Variants in PRH1 observed in about 807,000 individuals in gnomAD.
PRH1 encodes the protein proline rich protein HaeIII subfamily 1.
A neutral mutation model predicts 7.9 loss-of-function variants in PRH1; 7 were observed. The observed-to-expected ratio is 0.89, with a 90% CI of 0.50 to 1.67. The LOEUF (loss-of-function observed/expected upper bound fraction) is 1.67, where lower values mean the gene tolerates loss of function less well. Among genes scored for constraint, PRH1 ranks in the 40% most tolerant of loss-of-function variants. The pLI, the probability that PRH1 is intolerant of heterozygous loss-of-function variation, is 0.00. For missense variants in PRH1, 109 were observed against 223.6 expected (o/e 0.49, Z 3.27); for synonymous variants, 45 against 80.8 (o/e 0.56, Z 2.38).
At chr12:10,983,524 G>A (rs1939458825) in intron 1 of PRH1, among the ~76,000 whole-genome samples, 2 of 152,318 alleles carry the variant, frequency 1.3e-5, no homozygotes, top group South Asian at 4.1e-4. Flanking sequence ...GGGGCATGAG[G>A]TTTGGCTTTC....
chr12:11,127,477 A>G lies in PRH1; in HGVS notation n.40-6297T>C, dbSNP rs73266595. Among the ~76,000 whole-genome samples the G allele has an allele frequency of 9.4e-3, 1,426 of 152,386 alleles. 17 individuals carry two copies. The highest frequency in any genetic ancestry group is 0.032 in the African/African-American group (1,342 of 41,576). On this transcript the variant is annotated intron_variant and non_coding_transcript_variant, in intron 1 of 1. Transcript: ENST00000541175. ...TTTTTTCAATGCCAGATTTATGGAGAGTGAATCCCAACTTTTCTACCAAAA... is the reference window on the plus strand; with the variant it reads ...TTTTTTCAATGCCAGATTTATGGAGGGTGAATCCCAACTTTTCTACCAAAA...
At chr12:11,158,056 C>T (rs1047476188) in intron 1 of PRH1, among the ~76,000 whole-genome samples, 5 of 152,290 alleles carry the variant, frequency 3.3e-5, no homozygotes, top group Admixed American at 6.5e-5. Flanking sequence ...CAACATACTT[C>T]CCATGATTTA....
At chr12:11,088,114 G>A (rs1240586997) in intron 1 of PRH1, among the ~76,000 whole-genome samples, 24,708 of 63,482 alleles carry the variant, frequency 0.39, 5,095 homozygotes, top group Non-Finnish European at 0.52. Flanking sequence ...GCCGACACGG[G>A]AAGATCATTT....
At chr12:11,046,384 G>C (rs1942899070) in intron 1 of PRH1, among the ~76,000 whole-genome samples, 1 of 152,108 alleles carries the variant, frequency 6.6e-6, no homozygotes, top group Non-Finnish European at 1.5e-5. Flanking sequence ...CAAAGCTTTG[G>C]ATAGTTTATA....
chr12:11,099,480 C>T (rs1053527893), intron 1 of PRH1, among the ~76,000 whole-genome samples: 6 of 152,022 alleles, frequency 3.9e-5, no homozygotes, highest in Non-Finnish European at 4.4e-5. Context: ...GGGCAGATCA[C>T]GAGGTCAAGA....
intron 2 of PRH1, among the ~76,000 whole-genome samples, chr12:10,971,822 C>T (rs899815682): frequency 2.6e-5 from 4 of 151,934 alleles, no homozygotes; most frequent in African/African-American, 4.8e-5. Flanking sequence ...AATTTTAAAA[C>T]GTAACTTTAG....
intron 1 of PRH1, among the ~76,000 whole-genome samples, chr12:11,066,072 C>T (rs1395530037): frequency 6.6e-6 from 1 of 152,176 alleles, no homozygotes; most frequent in Non-Finnish European, 1.5e-5. Flanking sequence ...TTATAACAAT[C>T]TTTAAAAGAT....
At chr12:10,945,577 C>A (rs573189672) in intron 2 of PRH1, among the ~76,000 whole-genome samples, 1 of 152,074 alleles carries the variant, frequency 6.6e-6, no homozygotes, top group East Asian at 1.9e-4. Context: ...GGAGGCAGGG[C>A]GAGATCACAG....
At chr12:10,986,236 T>C (rs143277774) in intron 1 of PRH1, 147 of 1,614,036 alleles carry the variant, frequency 9.1e-5, no homozygotes, top group Non-Finnish European at 1.2e-4. Context: ...TGGAGCTGCA[T>C]CTTCTTGAGA....
intron 1 of PRH1, among the ~76,000 whole-genome samples, chr12:11,039,917 C>A (rs1181694437): frequency 9.3e-6 from 1 of 107,170 alleles, no homozygotes; most frequent in African/African-American, 2.7e-5. Context: ...ACAGGGACAT[C>A]ATCCAGGTAG....
At chr12:10,964,651 G>A (rs1938415100) in intron 2 of PRH1, 3 of 557,042 alleles carry the variant, frequency 5.4e-6, no homozygotes, top group African/African-American at 1.9e-5. Context: ...ATAACAAGAG[G>A]AAGGAGGTCA....
upstream of PRH1, among the ~76,000 whole-genome samples, chr12:10,887,296 GTGTTA>G (rs575447929): frequency 1.3e-3 from 204 of 152,232 alleles, no homozygotes; most frequent in Non-Finnish European, 2.2e-3. Flanking sequence ...TGGTCTGGCA[GTGTTA>G]TGAATTGGCA....
chr12:11,117,551 A>G (rs939815751), downstream of PRH1, among the ~76,000 whole-genome samples: 1 of 152,184 alleles, frequency 6.6e-6, no homozygotes, highest in Admixed American at 6.5e-5. Flanking sequence ...CTTCACAGAA[A>G]TAGAGAAAAC....
At chr12:10,988,327 A>T (rs1939753763) in intron 1 of PRH1, among the ~76,000 whole-genome samples, 1 of 152,144 alleles carries the variant, frequency 6.6e-6, no homozygotes, top group African/African-American at 2.4e-5. Flanking sequence ...TCAGGAATTC[A>T]GGAGCCAAAA....
intron 1 of PRH1, among the ~76,000 whole-genome samples, chr12:11,148,551 GT>G (rs1674102096): frequency 6.8e-6 from 1 of 146,910 alleles, no homozygotes; most frequent in Non-Finnish European, 1.5e-5. Context: ...TAATCATGTG[GT>G]TTTTGTCTTT....
rs1267834809 is a variant in PRH1 at position 11,086,502 on chromosome 12, A to G, written n.124-39314T>C. Among the ~76,000 whole-genome samples, 371 of 150,878 alleles carry G rather than the reference A, an allele frequency of 2.5e-3. 3 individuals carry two copies. The highest frequency in any genetic ancestry group is 4.6e-3 in the Non-Finnish European group (314 of 67,564). On this transcript the variant is annotated intron_variant and non_coding_transcript_variant, in intron 1 of 4. Transcript: ENST00000541977. ...CAGTTTTTATAGTATAATGGTTTCTAAGAGGGGATCTTGAAGTCAGACTGC... is the reference window on the plus strand; with the variant it reads ...CAGTTTTTATAGTATAATGGTTTCTGAGAGGGGATCTTGAAGTCAGACTGC...
upstream of PRH1, among the ~76,000 whole-genome samples, chr12:11,051,302 A>G (rs542934267): frequency 9.8e-5 from 15 of 152,332 alleles, no homozygotes; most frequent in Middle Eastern, 3.4e-3. Flanking sequence ...AGTAGTCACA[A>G]CTAAAATCAA....
intron 1 of PRH1, among the ~76,000 whole-genome samples, chr12:10,988,918 T>C (rs1446926921): frequency 6.6e-6 from 1 of 152,070 alleles, no homozygotes; most frequent in Non-Finnish European, 1.5e-5. Context: ...GCAATTCTCC[T>C]CCCTCAGCCT....
At chr12:10,942,960 A>T (rs1045029754) in intron 2 of PRH1, among the ~76,000 whole-genome samples, 6 of 152,082 alleles carry the variant, frequency 3.9e-5, no homozygotes, top group African/African-American at 1.4e-4. Context: ...TTTCCCATAA[A>T]ATAGACCTTC....
Sources: gnomAD v4.1 joint callset for allele counts (sites outside exome capture counted in the v4.1 genomes callset) on GRCh38, gnomAD v4.1.1 for gene constraint, MANE v1.5 for transcripts, NCBI Gene and HGNC (gene_info 2026-07-23, HGNC 2026-07-21) for gene names.